Variants in ZAP70 observed in about 807,000 individuals in gnomAD.
ZAP70 encodes zeta chain of T cell receptor associated protein kinase 70, also known as tyrosine-protein kinase ZAP-70.
In ZAP70, 27 loss-of-function variants were observed where a neutral mutation model predicts 65.8. The ratio of observed to expected loss-of-function variants is 0.41; its 90% confidence interval spans 0.30 to 0.57. ZAP70 has a LOEUF of 0.57. Ranked by LOEUF, ZAP70 falls within the 20% of genes least tolerant of loss-of-function variation. The pLI, the probability that ZAP70 is intolerant of heterozygous loss-of-function variation, is 0.28. For missense variants in ZAP70, 696 were observed against 870.5 expected (o/e 0.80, Z 2.52); for synonymous variants, 363 against 360.8 (o/e 1.01, Z -0.07).
intron 13 of ZAP70, among the ~76,000 whole-genome samples, chr2:97,739,149 C>T (rs536059219): frequency 5.7e-4 from 87 of 152,322 alleles, no homozygotes; most frequent in Non-Finnish European, 1.0e-3. Flanking sequence ...GTCATCCCAG[C>T]ACCCTGTGTG....
In ZAP70 at chr2:97,724,396, C is replaced by T. The variant is rs768492740; in HGVS notation, c.360C>T (p.Asp120=). Residue 120 remains aspartate, a synonymous_variant, in exon 3 of 14, where the codon GAC becomes GAT. Transcript: ENST00000264972. ...CGGGGGTCTTCGACTGCCTGCGAGA[C>T]GCCATGGTGCGTGACTACGTGCGCC... ...PQPGVFDCLR[D]AMVRDYVRQT... The T allele has an allele frequency of 2.0e-6, 3 of 1,535,006 alleles. No individual in the cohort carries two copies. The highest frequency in any genetic ancestry group is 1.8e-6 in the Non-Finnish European group (2 of 1,140,942).
At chr2:97,738,329 G>A in intron 13 of ZAP70, 2 of 598,014 alleles carry the variant, frequency 3.3e-6, no homozygotes, top group Non-Finnish European at 6.0e-6. Context: ...CCCACCTGTG[G>A]GCCTGTGCCT....
chr2:97,746,926 A>G, the ZAP70 span, among the ~76,000 whole-genome samples: 1 of 152,234 alleles, frequency 6.6e-6, no homozygotes, highest in Non-Finnish European at 1.5e-5. Context: ...TTGAACAAAC[A>G]TTTCTTTAAG....
downstream of ZAP70, among the ~76,000 whole-genome samples, chr2:97,741,005 A>C (rs746491613): frequency 6.1e-4 from 93 of 152,238 alleles, no homozygotes; most frequent in South Asian, 1.0e-3. Flanking sequence ...CCAACAAAGA[A>C]ACAGGTGGTG....
the ZAP70 span, among the ~76,000 whole-genome samples, chr2:97,754,307 C>CGG: frequency 2.0e-5 from 3 of 151,550 alleles, no homozygotes; most frequent in Non-Finnish European, 2.9e-5. Context: ...GGAGTTTGGT[C>CGG]GGGGGGGGTC....
chr2:97,714,699 G>C (rs760191951), intron 2 of ZAP70, among the ~76,000 whole-genome samples: 1 of 152,204 alleles, frequency 6.6e-6, no homozygotes, highest in African/African-American at 2.4e-5. Context: ...CATTACTCTC[G>C]TCTTGGTTGG....
At chr2:97,729,306 A>G (rs549755710) in intron 4 of ZAP70, among the ~76,000 whole-genome samples, 17 of 152,258 alleles carry the variant, frequency 1.1e-4, no homozygotes, top group Non-Finnish European at 1.5e-4. Context: ...GGTTTCACAG[A>G]TAATCTGTGA....
At chr2:97,753,854 T>C in the ZAP70 span, among the ~76,000 whole-genome samples, 22 of 152,118 alleles carry the variant, frequency 1.4e-4, no homozygotes, top group Non-Finnish European at 2.6e-4. Context: ...CCAGATGTGG[T>C]GGTCCGTGTC....
At chr2:97,751,954 G>A in the ZAP70 span, among the ~76,000 whole-genome samples, 1 of 152,186 alleles carries the variant, frequency 6.6e-6, no homozygotes, top group Non-Finnish European at 1.5e-5. Flanking sequence ...CTTCCACACT[G>A]GGGATCATAT....
At position 97,733,391 on chromosome 2, in the gene ZAP70, G is replaced by C. The variant is rs955695637; in HGVS notation, c.837+48G>C. 4.4e-6 allele frequency: 7 copies of C among 1,590,800 alleles called. No individual in the cohort carries two copies. In the African/African-American group the frequency reaches 8.0e-5, roughly 18 times the overall value. On this transcript the variant is annotated intron_variant, in intron 7 of 13. Coordinates refer to ENST00000264972, the MANE Select transcript of ZAP70 (RefSeq NM_001079.4). ...GTGGCCTTGGGGATGGAGCTGGGGA[G>C]TGGCTGTGGGGGAGGCTGGGATGGA... is the stretch of plus-strand genomic sequence containing the variant.
At chr2:97,714,998 C>T (rs1676850282) in intron 2 of ZAP70, among the ~76,000 whole-genome samples, 1 of 152,156 alleles carries the variant, frequency 6.6e-6, no homozygotes, top group Non-Finnish European at 1.5e-5. Context: ...CCAGGGCTCT[C>T]GGGAGGATAA....
At position 97,732,812 on chromosome 2, in the gene ZAP70, G is replaced by A. The variant is rs963804366; in HGVS notation, c.564-71G>A. 84 of 1,601,396 alleles carry A rather than the reference G, an allele frequency of 5.2e-5. 1 individual carries two copies. The Admixed American group carries it at 5.5e-4, about 10-fold the overall frequency. The stretch of plus-strand genomic sequence containing the variant: ...GTGTGGAGCCCATAGGGTGTGTTGC[G>A]GGGGAACCGGGGCACAGCAGGAGGC... On this transcript the variant is annotated intron_variant, in intron 4 of 13. Transcript: ENST00000264972.
chr2:97,734,161 C>G (rs1677741796), intron 8 of ZAP70: 1 of 333,280 alleles, frequency 3.0e-6, no homozygotes, highest in Non-Finnish European at 5.5e-6. Flanking sequence ...TTTTGGAGGC[C>G]TCGTAAATGT....
chr2:97,721,079 C>T (rs554616802), intron 2 of ZAP70, among the ~76,000 whole-genome samples: 11 of 152,312 alleles, frequency 7.2e-5, no homozygotes, highest in African/African-American at 2.4e-4. Context: ...CAACTCAGAA[C>T]CGCTATGGAG....
intron 2 of ZAP70, among the ~76,000 whole-genome samples, chr2:97,723,752 G>T (rs751692455): frequency 1.1e-4 from 16 of 152,238 alleles, no homozygotes; most frequent in Non-Finnish European, 1.9e-4. Flanking sequence ...ACAGGTGTGG[G>T]TGCTTGGGGA....
intron 4 of ZAP70, among the ~76,000 whole-genome samples, chr2:97,726,205 G>C (rs1358834451): frequency 1.3e-5 from 2 of 152,204 alleles, no homozygotes; most frequent in African/African-American, 4.8e-5. Context: ...AGGCCATGTA[G>C]CTATTTGTGA....
chr2:97,722,518 TA>T (rs1677202561), intron 2 of ZAP70, among the ~76,000 whole-genome samples: 1 of 152,246 alleles, frequency 6.6e-6, no homozygotes, highest in Non-Finnish European at 1.5e-5. Context: ...ACATGTCAGA[TA>T]AGCTTATAGT....
intron 13 of ZAP70, chr2:97,738,389 C>T (rs1677999543): frequency 2.0e-6 from 1 of 502,740 alleles, no homozygotes; most frequent in Non-Finnish European, 3.7e-6. Flanking sequence ...CTGCAACACG[C>T]AAACAGGTCC....
chr2:97,723,626 G>C (rs1238316374), intron 2 of ZAP70, among the ~76,000 whole-genome samples: 1 of 152,214 alleles, frequency 6.6e-6, no homozygotes, highest in African/African-American at 2.4e-5. Context: ...TCCCTCCTTA[G>C]AGTGTTGCCT....
Sources: gnomAD v4.1 joint callset for allele counts (sites outside exome capture counted in the v4.1 genomes callset) on GRCh38, gnomAD v4.1.1 for gene constraint, MANE v1.5 for transcripts, NCBI Gene and HGNC (gene_info 2026-07-23, HGNC 2026-07-21) for gene names.